DMD: variants seen among roughly 807,000 people sequenced by gnomAD.
DMD encodes the protein dystrophin, also known as mutant dystrophin.
In DMD, 63 loss-of-function variants were observed where a neutral mutation model predicts 330.1. That is an observed-to-expected ratio of 0.19 (90% CI 0.16 to 0.24). The LOEUF (loss-of-function observed/expected upper bound fraction) is 0.24, where lower values mean the gene tolerates loss of function less well. DMD is among the 10% of genes least tolerant of loss of function. DMD has a pLI of 1.00. For synonymous variants in DMD, 1,223 were observed against 959.8 expected (o/e 1.27, Z -5.07); for missense variants, 3,344 against 2,684.1 (o/e 1.25, Z -5.43).
At chrX:32,351,795 A>G (rs901895645) in intron 37 of DMD, among the ~76,000 whole-genome samples, 1 of 110,605 alleles carries the variant, frequency 9.0e-6, no homozygotes, top group African/African-American at 3.3e-5. Flanking sequence ...ATGAGTATGT[A>G]TATTAACTGC....
rs147332803 is a variant in DMD, at chrX:32,745,323, A to G, written c.650-46030T>C. ...ATCAGCATTTTAAGTTGAAACATATATATCCAAGTTTCTGATCTTGTTCTG... is the reference window on the plus strand; with the variant it reads ...ATCAGCATTTTAAGTTGAAACATATGTATCCAAGTTTCTGATCTTGTTCTG... On this transcript the variant is annotated intron_variant, in intron 7 of 78. Transcript: ENST00000357033. Among the ~76,000 whole-genome samples, 849 of 112,333 alleles carry G rather than the reference A, an allele frequency of 7.6e-3. 7 individuals are homozygous for G. Among genetic ancestry groups the G allele is most frequent in the African/African-American group, 0.025 (780 of 30,956 alleles).
chrX:32,224,638 TCTC>T (rs2097141612), intron 43 of DMD, among the ~76,000 whole-genome samples: 2 of 111,705 alleles, frequency 1.8e-5, no homozygotes, highest in South Asian at 7.4e-4. Context: ...AAAATGATAG[TCTC>T]CTCATTCAGT....
intron 63 of DMD, among the ~76,000 whole-genome samples, chrX:31,237,693 C>T (rs143613616): frequency 2.7e-5 from 3 of 111,588 alleles, no homozygotes; most frequent in Non-Finnish European, 3.8e-5. Context: ...CCAATATTAC[C>T]GGTACTCCGG....
chrX:32,800,541 C>A (rs771355362), intron 7 of DMD, among the ~76,000 whole-genome samples: 1 of 111,574 alleles, frequency 9.0e-6, no homozygotes, highest in Admixed American at 9.6e-5. Context: ...TTATTTGCAG[C>A]CATAAGTAAA....
At chrX:32,238,444 TGAGAGAGAGAGA>T (rs200601285) in intron 43 of DMD, among the ~76,000 whole-genome samples, 2 of 98,971 alleles carry the variant, frequency 2.0e-5, no homozygotes, top group Non-Finnish European at 4.1e-5. Flanking sequence ...AAGCAATGCA[TGAGAGAGAGAGA>T]GAGAGAGAGA....
chrX:33,010,019 T>C (rs779865134), intron 2 of DMD, among the ~76,000 whole-genome samples: 1 of 61,041 alleles, frequency 1.6e-5, no homozygotes, highest in Non-Finnish European at 3.1e-5. Flanking sequence ...TATATACACA[T>C]ATGTGTGTAC....
chrX:31,305,992 T>C (rs1402815699), intron 62 of DMD, among the ~76,000 whole-genome samples: 1 of 112,275 alleles, frequency 8.9e-6, no homozygotes, highest in Non-Finnish European at 1.9e-5. Flanking sequence ...TTGCTGTTGT[T>C]GTTGTTGTTT....
At chrX:32,921,541 C>T (rs2088399791) in intron 2 of DMD, among the ~76,000 whole-genome samples, 2 of 111,195 alleles carry the variant, frequency 1.8e-5, no homozygotes, top group African/African-American at 6.5e-5. Flanking sequence ...ATATACGTGG[C>T]CATGTGTATG....
rs994862496 is a variant in DMD, at chrX:31,993,013, G to T, written c.6439-24499C>A. On this transcript the variant is annotated intron_variant, in intron 44 of 78. Coordinates refer to ENST00000357033, the MANE Select transcript of DMD (RefSeq NM_004006.3). ...ATTTACATCTAAGCAGAAGCGTGGT[G>T]GATTAAAAAGATTTCAATAACATTT... 3.6e-5 allele frequency among the ~76,000 whole-genome samples: 4 copies of T among 111,426 alleles called. No homozygotes were observed. The East Asian group carries it at 1.1e-3, about 32-fold the overall frequency.
At chrX:31,781,230 G>A (rs1442651889) in intron 50 of DMD, among the ~76,000 whole-genome samples, 5 of 111,638 alleles carry the variant, frequency 4.5e-5, no homozygotes, top group South Asian at 3.8e-4. Flanking sequence ...CCAAGGTAAC[G>A]AAACTTGTTC....
At chrX:32,910,306 T>C (rs778515746) in intron 2 of DMD, among the ~76,000 whole-genome samples, 5 of 111,947 alleles carry the variant, frequency 4.5e-5, no homozygotes, top group Admixed American at 3.8e-4. Context: ...TCCCTTCTTA[T>C]GTATGGTATG....
chrX:31,873,896 C>G (rs1312809920), intron 48 of DMD, among the ~76,000 whole-genome samples: 2 of 111,473 alleles, frequency 1.8e-5, no homozygotes, highest in African/African-American at 6.5e-5. Flanking sequence ...TATTCATTGA[C>G]TTAAAAACAC....
At chrX:31,658,897 A>T (rs1330171190) in intron 53 of DMD, among the ~76,000 whole-genome samples, 1 of 111,885 alleles carries the variant, frequency 8.9e-6, no homozygotes. Context: ...TGCAGAGAGG[A>T]GGCTTCTAAG....
intron 57 of DMD, among the ~76,000 whole-genome samples, chrX:31,483,202 A>T (rs1204090180): frequency 1.9e-5 from 2 of 107,986 alleles, no homozygotes; most frequent in Non-Finnish European, 3.8e-5. Flanking sequence ...GCCCGCCACC[A>T]CGCCCAGCTA....
intron 2 of DMD, among the ~76,000 whole-genome samples, chrX:32,917,547 T>C (rs1167077052): frequency 2.7e-5 from 3 of 111,757 alleles, no homozygotes; most frequent in Admixed American, 9.5e-5. Flanking sequence ...CTTTTTCAAC[T>C]GGTAGTTGGG....
At chrX:31,454,404 A>C (rs1039488339) in intron 59 of DMD, among the ~76,000 whole-genome samples, 1 of 111,912 alleles carries the variant, frequency 8.9e-6, no homozygotes, top group Non-Finnish European at 1.9e-5. Flanking sequence ...GGCCTCCCAA[A>C]GTGCTGGGAT....
chrX:33,158,456 C>CGAA (rs2048611658), intron 1 of DMD, among the ~76,000 whole-genome samples: 2 of 111,307 alleles, frequency 1.8e-5, no homozygotes, highest in African/African-American at 6.5e-5. Flanking sequence ...CAGGCCTGTC[C>CGAA]TAGCTGGAAA....
intron 50 of DMD, among the ~76,000 whole-genome samples, chrX:31,815,696 C>T (rs2092607453): frequency 9.0e-6 from 1 of 111,541 alleles, no homozygotes; most frequent in Non-Finnish European, 1.9e-5. Context: ...TATGCATACC[C>T]CTTTGATATG....
intron 9 of DMD, among the ~76,000 whole-genome samples, chrX:32,662,047 T>C (rs1271935429): frequency 9.0e-6 from 1 of 111,315 alleles, no homozygotes; most frequent in East Asian, 2.8e-4. Context: ...TTTTGTCACA[T>C]AGTGAGATAA....
Sources: allele counts gnomAD v4.1 joint callset (sites outside exome capture counted in the v4.1 genomes callset), GRCh38; gene constraint gnomAD v4.1.1; transcripts MANE v1.5; gene names NCBI Gene and HGNC (gene_info 2026-07-23, HGNC 2026-07-21).